Variants in PACRG observed in about 807,000 individuals in gnomAD.
The protein encoded by PACRG is parkin coregulated gene protein.
PACRG carries 29 observed loss-of-function variants against 29.7 expected under a neutral mutation model. That is an observed-to-expected ratio of 0.98 (90% CI 0.73 to 1.33). The LOEUF (loss-of-function observed/expected upper bound fraction) is 1.33, where lower values mean the gene tolerates loss of function less well. Ranked by LOEUF, PACRG falls within the 40% of genes most tolerant of loss-of-function variation. The pLI, the probability that PACRG is intolerant of heterozygous loss-of-function variation, is 0.00. For synonymous variants in PACRG, 116 were observed against 118.7 expected, an observed-to-expected ratio of 0.98 and a Z score of 0.15; for missense variants, 279 against 316.2, an observed-to-expected ratio of 0.88 and a Z score of 0.89.
chr6:162,820,909 T>G (rs558160446), intron 2 of PACRG, among the ~76,000 whole-genome samples: 1 of 152,170 alleles, frequency 6.6e-6, no homozygotes, highest in Non-Finnish European at 1.5e-5. Context: ...TCTGCCACGT[T>G]CCCACAATTA....
chr6:163,225,165 G>C (rs927911129), intron 4 of PACRG, among the ~76,000 whole-genome samples: 1 of 152,182 alleles, frequency 6.6e-6, no homozygotes, highest in Non-Finnish European at 1.5e-5. Flanking sequence ...ACACCTATTA[G>C]AATGGCTAAT....
intron 4 of PACRG, among the ~76,000 whole-genome samples, chr6:163,147,981 A>T (rs943074686): frequency 3.3e-5 from 5 of 152,174 alleles, no homozygotes; most frequent in Non-Finnish European, 7.3e-5. Context: ...TCTTCTACAC[A>T]GTAGACATTT....
chr6:163,303,976 A>G (rs1304383226), intron 4 of PACRG, among the ~76,000 whole-genome samples: 1 of 144,120 alleles, frequency 6.9e-6, no homozygotes, highest in Non-Finnish European at 1.5e-5. Context: ...AGATTGAGCC[A>G]TCACACTCCA....
At chr6:163,291,590 G>T (rs545762518) in intron 4 of PACRG, among the ~76,000 whole-genome samples, 1 of 152,362 alleles carries the variant, frequency 6.6e-6, no homozygotes, top group African/African-American at 2.4e-5. Flanking sequence ...CTTGAACATC[G>T]ACTGAGTTGA....
intron 4 of PACRG, among the ~76,000 whole-genome samples, chr6:163,204,619 C>T (rs541425115): frequency 4.7e-4 from 72 of 152,220 alleles, no homozygotes; most frequent in Non-Finnish European, 9.0e-4. Context: ...ATGGTCAGAG[C>T]ACCCCTGCAG....
intron 2 of PACRG, among the ~76,000 whole-genome samples, chr6:162,975,502 A>G (rs1241803539): frequency 6.6e-6 from 1 of 152,200 alleles, no homozygotes; most frequent in Admixed American, 6.5e-5. Flanking sequence ...TTAATGCAAT[A>G]AAGTGTTTAC....
At chr6:162,912,141 T>C (rs545174052) in intron 2 of PACRG, among the ~76,000 whole-genome samples, 1 of 152,338 alleles carries the variant, frequency 6.6e-6, no homozygotes, top group South Asian at 2.1e-4. Context: ...CAATCCAAGT[T>C]GTTAGAAGTA....
chr6:163,027,758 T>G (rs995951634), intron 2 of PACRG, among the ~76,000 whole-genome samples: 1 of 152,266 alleles, frequency 6.6e-6, no homozygotes, highest in Non-Finnish European at 1.5e-5. Flanking sequence ...AGTCAAGAGA[T>G]GATAAAACAG....
At chr6:162,750,453 C>T (rs1186403536) in intron 1 of PACRG, among the ~76,000 whole-genome samples, 2 of 152,276 alleles carry the variant, frequency 1.3e-5, no homozygotes, top group African/African-American at 2.4e-5. Context: ...GAAAAATCAA[C>T]AGATTATTTC....
At chr6:163,102,937 A>G (rs1048725826) in intron 4 of PACRG, among the ~76,000 whole-genome samples, 2 of 152,102 alleles carry the variant, frequency 1.3e-5, no homozygotes, top group African/African-American at 4.8e-5. Flanking sequence ...GAAGGCAGGG[A>G]CTTTTGTCTT....
intron 4 of PACRG, among the ~76,000 whole-genome samples, chr6:163,213,079 G>A (rs1781219177): frequency 6.6e-6 from 1 of 152,118 alleles, no homozygotes; most frequent in Non-Finnish European, 1.5e-5. Flanking sequence ...TGCCCAACCA[G>A]AAACTGACAA....
At chr6:162,781,768 A>G (rs1161568725) in intron 1 of PACRG, among the ~76,000 whole-genome samples, 1 of 151,854 alleles carries the variant, frequency 6.6e-6, no homozygotes, top group African/African-American at 2.4e-5. Context: ...ATAAATAATT[A>G]TAGCTAGTAA....
rs34753567 is a variant in PACRG at position 162,853,357 on chromosome 6, CCTGGTTGAACCA to C, written c.291+39080_291+39091del. On this transcript the variant is annotated intron_variant, in intron 2 of 4. Coordinates refer to ENST00000366888, the MANE Select transcript of PACRG (RefSeq NM_001080379.2). This position sits in a 1 kb window ranked among gnomAD's most constrained non-coding sequence, Gnocchi z 4.7. ...CTGTCTTTTGCTTTTCTTTGCAATA[CCTGGTTGAACCA>C]CTGACTTACCGTACGTTTTAACTTT... Among the ~76,000 whole-genome samples the C allele has an allele frequency of 0.046, 6,933 of 152,172 alleles. 494 individuals carry two copies. Among genetic ancestry groups the C allele is most frequent in the African/African-American group, 0.15 (6,370 of 41,474 alleles).
intron 2 of PACRG, among the ~76,000 whole-genome samples, chr6:162,815,621 T>C (rs57220759): frequency 6.6e-6 from 1 of 151,982 alleles, no homozygotes; most frequent in African/African-American, 2.4e-5. Context: ...TCTGTTAGAA[T>C]GTGAACTTGT....
chr6:162,853,412 A>T lies in PACRG; in HGVS notation c.291+39131A>T, dbSNP rs1307894366. On this transcript the variant is annotated intron_variant, in intron 2 of 4. Coordinates refer to ENST00000366888, the MANE Select transcript of PACRG (RefSeq NM_001080379.2). This position sits in a 1 kb window ranked among gnomAD's most constrained non-coding sequence, Gnocchi z 4.7. ...TTAACTTTCCTGATATCCTACCATTATGTGTTACTATCAGCCTCGAATCAT... is the reference window on the plus strand; with the variant it reads ...TTAACTTTCCTGATATCCTACCATTTTGTGTTACTATCAGCCTCGAATCAT... Among the ~76,000 whole-genome samples, 1 of 152,160 alleles carries T rather than the reference A, an allele frequency of 6.6e-6. No individual in the cohort carries two copies. The highest frequency in any genetic ancestry group is 2.4e-5 in the African/African-American group (1 of 41,424).
rs1439803221 is a variant in PACRG, at chr6:163,224,847, G to T, written c.614-89980G>T. ...GCAACAAAAGCAAAACTAGATAAAT[G>T]GGATTATATCAAACTAAAAAGCTTC... On this transcript the variant is annotated intron_variant, in intron 4 of 4. Transcript: ENST00000366888. Among the ~76,000 whole-genome samples, 8 of 151,960 alleles carry T rather than the reference G, an allele frequency of 5.3e-5. No individual in the cohort carries two copies. The East Asian group carries it at 1.2e-3, about 22-fold the overall frequency.
rs149803788 is a variant in PACRG, at chr6:163,229,085, C to T, written c.614-85742C>T. On this transcript the variant is annotated intron_variant, in intron 4 of 4. Coordinates refer to ENST00000366888, the MANE Select transcript of PACRG (RefSeq NM_001080379.2). ...AATTTAAAAGTATTTGCAGGCCAGG[C>T]ATAGTGGCTCATACCTGTAGTCCCA... is the stretch of plus-strand genomic sequence containing the variant. Among the ~76,000 whole-genome samples the T allele has an allele frequency of 1.6e-3, 241 of 152,300 alleles. 2 individuals are homozygous for T. The highest frequency in any genetic ancestry group is 5.3e-3 in the African/African-American group (222 of 41,552).
chr6:162,826,269 G>A (rs925436292), intron 2 of PACRG, among the ~76,000 whole-genome samples: 8 of 152,016 alleles, frequency 5.3e-5, no homozygotes, highest in Non-Finnish European at 8.8e-5. Context: ...TTAAAACTCT[G>A]TTGAACATAG....
chr6:163,035,812 CAAA>C (rs1156795173), intron 2 of PACRG, among the ~76,000 whole-genome samples: 1 of 64,232 alleles, frequency 1.6e-5, no homozygotes, highest in Non-Finnish European at 3.0e-5. Flanking sequence ...GACTCTGTCT[CAAA>C]AAAAAAAAAA....
Sources: allele counts gnomAD v4.1 joint callset (sites outside exome capture counted in the v4.1 genomes callset), GRCh38; gene constraint gnomAD v4.1.1; non-coding constraint Gnocchi (gnomAD v3.1); transcripts MANE v1.5; gene names NCBI Gene and HGNC (gene_info 2026-07-23, HGNC 2026-07-21).